The following ASIC2 variants were observed in gnomAD, a reference collection of about 807,000 sequenced individuals.
The protein encoded by ASIC2 is acid-sensing ion channel 2.
A neutral mutation model predicts 57.3 loss-of-function variants in ASIC2; 25 were observed. The ratio of observed to expected loss-of-function variants is 0.44; its 90% confidence interval spans 0.32 to 0.61. ASIC2 has a LOEUF of 0.61. ASIC2 is among the 20% of genes least tolerant of loss of function. ASIC2 has a pLI of 0.06. For missense variants in ASIC2, 641 were observed against 738.1 expected (o/e 0.87, Z 1.52); for synonymous variants, 319 against 307.5 (o/e 1.04, Z -0.39).
chr17:34,129,746 A>C (rs1278237789), intron 1 of ASIC2, among the ~76,000 whole-genome samples: 4 of 152,200 alleles, frequency 2.6e-5, no homozygotes, highest in African/African-American at 4.8e-5. Flanking sequence ...TTTATAATGG[A>C]ATACCTAAAA....
chr17:33,212,969 G>T (rs547719069), intron 1 of ASIC2, among the ~76,000 whole-genome samples: 1 of 152,172 alleles, frequency 6.6e-6, no homozygotes, highest in Admixed American at 6.5e-5. Context: ...TGCAAGTGTC[G>T]TGACTTCTCA....
chr17:33,723,576 G>T (rs1258532715), intron 1 of ASIC2, among the ~76,000 whole-genome samples: 3 of 152,160 alleles, frequency 2.0e-5, no homozygotes, highest in African/African-American at 7.2e-5. Context: ...TGATTTTCCT[G>T]CCTCGGCATC....
intron 1 of ASIC2, among the ~76,000 whole-genome samples, chr17:33,694,868 G>A (rs866420827): frequency 1.9e-4 from 29 of 152,010 alleles, no homozygotes; most frequent in African/African-American, 6.5e-4. Flanking sequence ...CTTGTCCTCC[G>A]TGTCTTCTCT....
intron 1 of ASIC2, among the ~76,000 whole-genome samples, chr17:34,053,729 G>C (rs762692599): frequency 1.3e-5 from 2 of 152,144 alleles, no homozygotes; most frequent in Non-Finnish European, 2.9e-5. Flanking sequence ...GGAAAAACTG[G>C]GATTATTCAA....
chr17:33,785,531 A>C (rs1281095499), intron 1 of ASIC2, among the ~76,000 whole-genome samples: 3 of 152,288 alleles, frequency 2.0e-5, no homozygotes, highest in African/African-American at 7.2e-5. Context: ...GTCTACCTTC[A>C]CCTTGCTGTT....
At chr17:33,061,891 A>G (rs544941990) in intron 3 of ASIC2, among the ~76,000 whole-genome samples, 2 of 152,330 alleles carry the variant, frequency 1.3e-5, no homozygotes, top group East Asian at 3.9e-4. Context: ...TAGTCTCAGA[A>G]GGGTGTATGT....
intron 1 of ASIC2, among the ~76,000 whole-genome samples, chr17:33,201,697 A>T (rs559680928): frequency 6.6e-6 from 1 of 152,166 alleles, no homozygotes; most frequent in Non-Finnish European, 1.5e-5. Flanking sequence ...AAGGAGCAGT[A>T]TATCTGCTGC....
intron 1 of ASIC2, among the ~76,000 whole-genome samples, chr17:34,040,063 A>G (rs1168839685): frequency 6.9e-6 from 1 of 144,338 alleles, no homozygotes. Context: ...CGGGCGGGGG[A>G]GGGGGGGCAC....
intron 1 of ASIC2, among the ~76,000 whole-genome samples, chr17:33,184,806 A>C (rs1235510626): frequency 6.6e-6 from 1 of 152,226 alleles, no homozygotes; most frequent in Non-Finnish European, 1.5e-5. Context: ...AATTTAGGGC[A>C]GTAAAAGACA....
chr17:33,417,435 T>C (rs182054825), intron 1 of ASIC2, among the ~76,000 whole-genome samples: 6 of 152,328 alleles, frequency 3.9e-5, no homozygotes, highest in Admixed American at 3.3e-4. Flanking sequence ...AGCTTCTACC[T>C]ACCCGGCCAA....
intron 1 of ASIC2, among the ~76,000 whole-genome samples, chr17:33,152,315 G>A (rs1457825463): frequency 1.3e-5 from 2 of 152,122 alleles, no homozygotes; most frequent in Non-Finnish European, 1.5e-5. Context: ...ACAAAGAGTC[G>A]AGATGCCTTC....
chr17:33,677,285 T>A (rs149304275), intron 1 of ASIC2, among the ~76,000 whole-genome samples: 3 of 152,308 alleles, frequency 2.0e-5, no homozygotes, highest in African/African-American at 4.8e-5. Context: ...ACAGGGTAAC[T>A]CTTTTGTTAG....
intron 1 of ASIC2, among the ~76,000 whole-genome samples, chr17:34,106,197 TCA>T (rs1365791456): frequency 2.0e-5 from 3 of 152,174 alleles, no homozygotes; most frequent in South Asian, 4.1e-4. Flanking sequence ...TCTTAGGATA[TCA>T]CAATTGGAGA....
chr17:33,298,242 T>A (rs1404220619), upstream of ASIC2, among the ~76,000 whole-genome samples: 1 of 152,122 alleles, frequency 6.6e-6, no homozygotes, highest in African/African-American at 2.4e-5. Context: ...ATTAGGTATA[T>A]CTCCTAATGC....
chr17:33,773,797 G>A lies in ASIC2; in HGVS notation c.555+382181C>T, dbSNP rs535194339. On this transcript the variant is annotated intron_variant, in intron 1 of 9. Transcript: ENST00000359872. ...AGCCTCCCAAGTAGCTGAGACTACA[G>A]GCATATGCTAGCATGCCTGGCTAAT... Among the ~76,000 whole-genome samples the A allele has an allele frequency of 3.3e-5, 5 of 151,396 alleles. No homozygotes were observed. The South Asian group carries it at 1.1e-3, about 32-fold the overall frequency.
At chr17:33,718,112 T>C (rs1044894173) in intron 1 of ASIC2, among the ~76,000 whole-genome samples, 2 of 152,210 alleles carry the variant, frequency 1.3e-5, no homozygotes, top group South Asian at 2.1e-4. Context: ...AAGTCCCTTA[T>C]ATAAAATGGT....
Position 33,464,697 on chromosome 17 carries a change from A to ATATATATATATT in ASIC2, c.556-352631_556-352630insAATATATATATA, listed in dbSNP as rs1331716193. ...TCTCTCTCTCTCTCTCTATATATAT[A>ATATATATATATT]TATATATGTATATATATGTATATAA... On this transcript the variant is annotated intron_variant, in intron 1 of 9. Coordinates refer to the ASIC2 transcript ENST00000359872. 6.2e-4 allele frequency among the ~76,000 whole-genome samples: 85 copies of ATATATATATATT among 137,184 alleles called. 1 individual carries two copies. The highest frequency in any genetic ancestry group is 2.3e-3 in the African/African-American group (84 of 35,992). The allele number at this position is 137,184 out of a possible 152,430, so 90.0% of individuals were successfully genotyped here. A position where few individuals can be genotyped will look rare whatever the true frequency, so the allele number is the denominator to read the frequency against.
chr17:33,452,024 T>A lies in ASIC2; in HGVS notation c.556-339957A>T, dbSNP rs529834110. 3.5e-4 allele frequency among the ~76,000 whole-genome samples: 53 copies of A among 152,350 alleles called. 1 individual carries two copies. The South Asian group carries it at 0.011, about 31-fold the overall frequency. ...TTCACCAGATAAGTAAATACATGAA[T>A]GAATTAATGCATCACCTCCACTGAG... is the stretch of plus-strand genomic sequence containing the variant. On this transcript the variant is annotated intron_variant, in intron 1 of 9. Transcript: ENST00000359872.
intron 1 of ASIC2, among the ~76,000 whole-genome samples, chr17:33,289,867 C>T (rs911762330): frequency 3.3e-5 from 5 of 152,130 alleles, no homozygotes; most frequent in African/African-American, 9.7e-5. Flanking sequence ...TAACCTTGAA[C>T]TTTAATCTAA....
Sources: allele counts gnomAD v4.1 joint callset (sites outside exome capture counted in the v4.1 genomes callset), GRCh38; gene constraint gnomAD v4.1.1; transcripts MANE v1.5; gene names NCBI Gene and HGNC (gene_info 2026-07-23, HGNC 2026-07-21).